LRRK2: variants seen among roughly 807,000 people sequenced by gnomAD.
LRRK2 encodes the protein leucine rich repeat kinase 2, also known as leucine-rich repeat serine/threonine-protein kinase 2.
Under a neutral mutation model 302.6 loss-of-function variants are expected in LRRK2, and 203 were observed. That is an observed-to-expected ratio of 0.67 (90% CI 0.60 to 0.75). The LOEUF is 0.75. LRRK2 is among the 30% of genes least tolerant of loss of function. The pLI is 0.00. For synonymous variants in LRRK2, 1,066 were observed against 1,031.9 expected (o/e 1.03, Z -0.63); for missense variants, 2,830 against 2,951.0 (o/e 0.96, Z 0.95).
At chr12:40,291,962 T>C (rs1223535151) in intron 20 of LRRK2, among the ~76,000 whole-genome samples, 1 of 152,122 alleles carries the variant, frequency 6.6e-6, no homozygotes, top group African/African-American at 2.4e-5. Flanking sequence ...CACTTTATAT[T>C]AATCTAAGTT....
At chr12:40,350,787 G>A (rs1946325874) in intron 43 of LRRK2, among the ~76,000 whole-genome samples, 1 of 151,864 alleles carries the variant, frequency 6.6e-6, no homozygotes, top group South Asian at 2.1e-4. Flanking sequence ...TTCATAGCTT[G>A]TTGTTTTTCT....
rs1944465951 is a variant in LRRK2, at chr12:40,298,456, G to A, written c.3310G>A (p.Asp1104Asn). 6.2e-7 allele frequency: 1 copy of A among 1,613,926 alleles called. No homozygotes were observed. Among genetic ancestry groups the A allele is most frequent in the Non-Finnish European group, 8.5e-7 (1 of 1,179,962 alleles). ...GTCTTTTGTACCTGAGAACCTCACT[G>A]ATGTGGTAGAGAAACTGGAGCAGCT... is the stretch of plus-strand genomic sequence containing the variant. ...QLSFVPENLT[D>N]VVEKLEQLIL... The change falls in exon 24 of 51, where the codon GAT becomes AAT. Residue 1104 changes from aspartate (D) to asparagine (N), a missense_variant. Asp to Asn is a conservative substitution (Grantham distance 23, BLOSUM62 1). Coordinates refer to ENST00000298910, the MANE Select transcript of LRRK2 (RefSeq NM_198578.4).
At chr12:40,318,135 T>C (rs904870492) in intron 33 of LRRK2, among the ~76,000 whole-genome samples, 2 of 152,086 alleles carry the variant, frequency 1.3e-5, no homozygotes, top group Non-Finnish European at 2.9e-5. Context: ...AGATTTTTTC[T>C]GTCCTCTTAA....
In LRRK2 at chr12:40,287,286, C is replaced by T. The variant is rs1237944989; in HGVS notation, c.2501-65C>T. 4 of 1,445,756 alleles carry T rather than the reference C, an allele frequency of 2.8e-6. No homozygotes were observed. In the African/African-American group the frequency reaches 5.6e-5, roughly 20 times the overall value. The allele number at this position is 1,445,756 out of a possible 1,614,324, so 89.6% of individuals were successfully genotyped here. On this transcript the variant is annotated intron_variant, in intron 19 of 50. Transcript: ENST00000298910. The stretch of plus-strand genomic sequence containing the variant: ...CATAGCAATACGTAAGAACTTTGGT[C>T]CTATGTATGTTTATTTTTGCATAAT...
chr12:40,230,522 C>T (rs1437894869), intron 2 of LRRK2, among the ~76,000 whole-genome samples: 1 of 152,010 alleles, frequency 6.6e-6, no homozygotes, highest in Non-Finnish European at 1.5e-5. Context: ...GGCTTAAGCT[C>T]TACCTCTTCA....
At chr12:40,318,801 A>C (rs900864471) in intron 33 of LRRK2, among the ~76,000 whole-genome samples, 1 of 152,066 alleles carries the variant, frequency 6.6e-6, no homozygotes, top group Non-Finnish European at 1.5e-5. Flanking sequence ...TCTCTTTACC[A>C]CCTAAACTGT....
intron 13 of LRRK2, among the ~76,000 whole-genome samples, chr12:40,263,423 G>A (rs4293189): frequency 0.42 from 63,005 of 151,802 alleles, 13,518 homozygotes; most frequent in South Asian, 0.55. Context: ...TGTGGTCCAA[G>A]TAACTCTGAG....
At chr12:40,242,862 TTATC>T (rs1941799090) in intron 6 of LRRK2, among the ~76,000 whole-genome samples, 2 of 121,142 alleles carry the variant, frequency 1.7e-5, no homozygotes, top group African/African-American at 6.2e-5. Flanking sequence ...ACTTCAGAAA[TTATC>T]TATCCTATAG....
At chr12:40,234,527 C>T (rs1302565934) in intron 3 of LRRK2, among the ~76,000 whole-genome samples, 6 of 151,288 alleles carry the variant, frequency 4.0e-5, no homozygotes, top group Non-Finnish European at 7.4e-5. Context: ...TGCAGGAGTA[C>T]GCCACCACGC....
At chr12:40,337,243 T>C (rs2136945099) in intron 40 of LRRK2, among the ~76,000 whole-genome samples, 2 of 152,346 alleles carry the variant, frequency 1.3e-5, no homozygotes, top group East Asian at 3.9e-4. Context: ...GTCCCTTAAA[T>C]GCTGGAGCTG....
intron 41 of LRRK2, among the ~76,000 whole-genome samples, chr12:40,345,972 T>G (rs528108085): frequency 6.6e-6 from 1 of 152,344 alleles, no homozygotes; most frequent in Admixed American, 6.5e-5. Context: ...GCATATCATC[T>G]TAGAAAGTGA....
intron 16 of LRRK2, among the ~76,000 whole-genome samples, chr12:40,276,013 GTAAAGTTTTT>G (rs1943435762): frequency 6.6e-6 from 1 of 152,098 alleles, no homozygotes. Context: ...GAGAATATGT[GTAAAGTTTTT>G]TAAAAAATTA....
At chr12:40,362,060 A>C (rs1946726612) in intron 47 of LRRK2, among the ~76,000 whole-genome samples, 1 of 152,062 alleles carries the variant, frequency 6.6e-6, no homozygotes, top group African/African-American at 2.4e-5. Flanking sequence ...AAACATTGAG[A>C]TTTATCATAT....
chr12:40,347,045 T>C (rs1946209655), intron 42 of LRRK2, 122 bp downstream of exon 42: 2 of 727,536 alleles, frequency 2.7e-6, no homozygotes, highest in Admixed American at 3.3e-5. Flanking sequence ...GTTTAGTGCA[T>C]AAATATTCTT....
chr12:40,256,707 G>A (rs909972869), intron 11 of LRRK2, among the ~76,000 whole-genome samples: 1 of 152,276 alleles, frequency 6.6e-6, no homozygotes, highest in Non-Finnish European at 1.5e-5. Context: ...GCTGAAGGCT[G>A]AAAGCAACCA....
rs147712504 is a variant in LRRK2, at chr12:40,233,644, G to A, written c.347+1261G>A. 1.0e-3 allele frequency among the ~76,000 whole-genome samples: 155 copies of A among 152,268 alleles called. 1 individual carries two copies. Among genetic ancestry groups the A allele is most frequent in the African/African-American group, 3.6e-3 (151 of 41,558 alleles). ...ATGAGGAATTACTCAAAATATACCA[G>A]TAATTAGGAATTGTAACTTTAAATG... is the stretch of plus-strand genomic sequence containing the variant. On this transcript the variant is annotated intron_variant, in intron 3 of 50. Coordinates refer to ENST00000298910, the MANE Select transcript of LRRK2 (RefSeq NM_198578.4).
chr12:40,244,062 G>A (rs1171904260), intron 7 of LRRK2, among the ~76,000 whole-genome samples: 1 of 151,954 alleles, frequency 6.6e-6, no homozygotes, highest in Non-Finnish European at 1.5e-5. Context: ...AAAGCATAAT[G>A]CAAATAACTC....
intron 11 of LRRK2, 71 bp downstream of exon 11, chr12:40,253,087 A>C: frequency 1.0e-6 from 1 of 972,120 alleles, no homozygotes; most frequent in South Asian, 1.4e-5. Flanking sequence ...TAGAAGCTAT[A>C]TACTGTGAAA....
intron 12 of LRRK2, among the ~76,000 whole-genome samples, chr12:40,259,085 G>C (rs1179953851): frequency 6.6e-6 from 1 of 152,152 alleles, no homozygotes; most frequent in Admixed American, 6.5e-5. Flanking sequence ...TTGTCTTGGG[G>C]TCAGACAAGT....
Sources: gnomAD v4.1 joint callset for allele counts (sites outside exome capture counted in the v4.1 genomes callset) on GRCh38, gnomAD v4.1.1 for gene constraint, MANE v1.5 for transcripts, NCBI Gene and HGNC (gene_info 2026-07-23, HGNC 2026-07-21) for gene names.